The following SLC35F1 variants were observed in gnomAD, a reference collection of about 807,000 sequenced individuals.
The protein encoded by SLC35F1 is solute carrier family 35 member F1, also known as chromosome 6 open reading frame 169.
A neutral mutation model predicts 48.7 loss-of-function variants in SLC35F1; 14 were observed. The ratio of observed to expected loss-of-function variants is 0.29; its 90% CI spans 0.19 to 0.45. The LOEUF is 0.45. Among genes scored for constraint, SLC35F1 ranks in the 20% least tolerant of loss-of-function variants. SLC35F1 has a pLI of 1.00. For synonymous variants in SLC35F1, 190 were observed against 202.2 expected, an observed-to-expected ratio of 0.94 and a Z score of 0.51; for missense variants, 404 against 500.0, an observed-to-expected ratio of 0.81 and a Z score of 1.83.
intron 1 of SLC35F1, among the ~76,000 whole-genome samples, chr6:118,137,688 G>T (rs1174209471): frequency 6.6e-6 from 1 of 152,176 alleles, no homozygotes; most frequent in African/African-American, 2.4e-5. Flanking sequence ...AATCTCCACA[G>T]GCTGGAAGCC....
chr6:118,070,971 CACATAGTATATATATTCTACGTGTGTGTA>C (rs1772700109), intron 1 of SLC35F1, among the ~76,000 whole-genome samples: 2 of 142,738 alleles, frequency 1.4e-5, no homozygotes, highest in Non-Finnish European at 1.5e-5. Flanking sequence ...TATATATATA[CACATAGTATATATATTCTACGTGTGTGTA>C]TATATATACA....
In SLC35F1 at chr6:118,153,436, T is replaced by C. The variant is rs552344622; in HGVS notation, c.174-1009T>C. Among the ~76,000 whole-genome samples, 4 of 152,288 alleles carry C rather than the reference T, an allele frequency of 2.6e-5. No homozygotes were observed. In the South Asian group the frequency reaches 6.2e-4, roughly 24 times the overall value. The stretch of plus-strand genomic sequence containing the variant: ...ATATGTACCATTATTATGTGTCAAT[T>C]AAAAATAAAATAAAACTTTCAATGA... On this transcript the variant is annotated intron_variant, in intron 1 of 7. Coordinates refer to ENST00000360388, the MANE Select transcript of SLC35F1 (RefSeq NM_001029858.4).
intron 1 of SLC35F1, among the ~76,000 whole-genome samples, chr6:118,147,811 C>T (rs1334117815): frequency 6.6e-6 from 1 of 152,140 alleles, no homozygotes; most frequent in Non-Finnish European, 1.5e-5. Flanking sequence ...CTTGGTTTCT[C>T]TTATCTAATT....
chr6:118,300,051 TTG>T (rs1341479958), intron 7 of SLC35F1, among the ~76,000 whole-genome samples: 2 of 152,222 alleles, frequency 1.3e-5, no homozygotes, highest in Admixed American at 1.3e-4. Flanking sequence ...GCTAGTAGAA[TTG>T]TTAGTACAAT....
chr6:118,172,614 T>C (rs205947), intron 2 of SLC35F1, among the ~76,000 whole-genome samples: 4,078 of 152,258 alleles, frequency 0.027, 97 homozygotes, highest in African/African-American at 0.055. Context: ...TTATGTTCTT[T>C]CCTTAAGCAG....
chr6:118,150,039 A>G (rs550886240), intron 1 of SLC35F1, among the ~76,000 whole-genome samples: 6 of 152,328 alleles, frequency 3.9e-5, no homozygotes, highest in African/African-American at 1.4e-4. Context: ...TTGGAACCAC[A>G]TAACCTAGTT....
At chr6:117,998,950 G>A (rs983653857) in intron 1 of SLC35F1, 48 of 884,584 alleles carry the variant, frequency 5.4e-5, no homozygotes, top group Admixed American at 1.2e-4. Context: ...TAGGCACTTC[G>A]GGAGCCGCGG....
At chr6:117,986,872 G>A (rs1457045597) in intron 1 of SLC35F1, among the ~76,000 whole-genome samples, 2 of 152,192 alleles carry the variant, frequency 1.3e-5, no homozygotes, top group East Asian at 1.9e-4. Flanking sequence ...AGCAGCCTGT[G>A]TTGGGCCTCT....
chr6:118,212,732 AAGGAAGGAAGGAAGGAAGGAAGG>A (rs1266878081), intron 2 of SLC35F1, among the ~76,000 whole-genome samples: 2 of 31,350 alleles, frequency 6.4e-5, no homozygotes, highest in Non-Finnish European at 1.2e-4. Context: ...GAAGGAAAGG[AAGGAAGGAAGGAAGGAAGGAAGG>A]AAGGAAGGAA....
chr6:117,987,057 A>C (rs1190530009), intron 1 of SLC35F1, among the ~76,000 whole-genome samples: 1 of 152,178 alleles, frequency 6.6e-6, no homozygotes, highest in South Asian at 2.1e-4. Flanking sequence ...TCTTACAAAA[A>C]TCACGTTAAA....
intron 3 of SLC35F1, among the ~76,000 whole-genome samples, chr6:118,239,555 T>G (rs1161901258): frequency 5.3e-5 from 8 of 150,582 alleles, no homozygotes; most frequent in South Asian, 4.2e-4. Context: ...GTTCAGTGAG[T>G]TTTTTTTTAA....
At chr6:118,095,015 C>T (rs1054671080) in intron 1 of SLC35F1, among the ~76,000 whole-genome samples, 31 of 151,228 alleles carry the variant, frequency 2.0e-4, no homozygotes, top group Non-Finnish European at 3.8e-4. Flanking sequence ...GCATATGATT[C>T]GAGCTACTCG....
chr6:118,169,463 A>G (rs1774367933), intron 2 of SLC35F1, among the ~76,000 whole-genome samples: 1 of 152,214 alleles, frequency 6.6e-6, no homozygotes, highest in Admixed American at 6.5e-5. Flanking sequence ...TTGGTTGAAG[A>G]ACATATTGAC....
At chr6:118,259,060 A>G (rs1235809149) in intron 3 of SLC35F1, among the ~76,000 whole-genome samples, 1 of 151,746 alleles carries the variant, frequency 6.6e-6, no homozygotes, top group Non-Finnish European at 1.5e-5. Flanking sequence ...TTCAACAAAT[A>G]CGATAAAGGT....
chr6:118,182,806 T>C (rs1774601644), intron 2 of SLC35F1, among the ~76,000 whole-genome samples: 1 of 152,210 alleles, frequency 6.6e-6, no homozygotes, highest in African/African-American at 2.4e-5. Context: ...TCATATATAA[T>C]ATACTATGCA....
intron 1 of SLC35F1, among the ~76,000 whole-genome samples, chr6:117,986,429 TCTTA>T (rs1231860050): frequency 2.0e-4 from 30 of 152,222 alleles, no homozygotes; most frequent in African/African-American, 7.2e-4. Flanking sequence ...GTTTTACTTT[TCTTA>T]CTTAACTCGG....
At chr6:118,085,940 C>T (rs2114331850) in intron 1 of SLC35F1, among the ~76,000 whole-genome samples, 1 of 152,150 alleles carries the variant, frequency 6.6e-6, no homozygotes, top group Admixed American at 6.5e-5. Flanking sequence ...AAATTTCCCC[C>T]TTCTTGAGTT....
intron 3 of SLC35F1, among the ~76,000 whole-genome samples, chr6:118,259,690 A>G (rs2114612610): frequency 1.1e-5 from 1 of 94,834 alleles, no homozygotes; most frequent in East Asian, 3.2e-4. Context: ...CACACCCAGC[A>G]GGATAGCAAA....
chr6:118,293,412 A>C (rs1286197278), intron 7 of SLC35F1, among the ~76,000 whole-genome samples: 1 of 152,140 alleles, frequency 6.6e-6, no homozygotes, highest in Non-Finnish European at 1.5e-5. Flanking sequence ...TGGCATCTTC[A>C]AATCAGACTC....
Sources: allele counts gnomAD v4.1 joint callset (sites outside exome capture counted in the v4.1 genomes callset), GRCh38; gene constraint gnomAD v4.1.1; transcripts MANE v1.5; gene names NCBI Gene and HGNC (gene_info 2026-07-23, HGNC 2026-07-21).